The following TRNAU1AP variants were observed in gnomAD, a reference collection of about 807,000 sequenced individuals.
TRNAU1AP encodes the protein tRNA selenocysteine 1-associated protein 1.
Under a neutral mutation model 43.3 loss-of-function variants are expected in TRNAU1AP, and 33 were observed. That is an observed-to-expected ratio of 0.76 (90% CI 0.58 to 1.02). The LOEUF is 1.02. TRNAU1AP is among the 50% of genes least tolerant of loss of function. TRNAU1AP has a pLI of 0.00. For synonymous variants in TRNAU1AP, 143 were observed against 129.1 expected (o/e 1.11, Z -0.73); for missense variants, 290 against 362.7 (o/e 0.80, Z 1.63).
At chr1:28,566,779 G>A (rs963854922) in intron 5 of TRNAU1AP, among the ~76,000 whole-genome samples, 1 of 146,422 alleles carries the variant, frequency 6.8e-6, no homozygotes, top group African/African-American at 2.7e-5. Context: ...AAAAAAAAGA[G>A]AGAGAAAATG....
intron 5 of TRNAU1AP, 167 bp downstream of exon 5, chr1:28,565,001 A>G (rs1323276289): frequency 1.3e-6 from 1 of 758,638 alleles, no homozygotes; most frequent in Non-Finnish European, 2.2e-6. Flanking sequence ...GGAGAATGCC[A>G]GTATTGTAGA....
In TRNAU1AP at chr1:28,577,637, C is replaced by G. The variant is rs1665826448; in HGVS notation, c.*1C>G. The G allele has an allele frequency of 6.2e-7, 1 of 1,613,276 alleles. No homozygotes were observed. Among genetic ancestry groups the G allele is most frequent in the Admixed American group, 1.7e-5 (1 of 59,810 alleles). ...TTCAGAGATCCCTGCCATGATGTAG[C>G]CAGGCCAAAGGACAAGCCAGGTTGC... On this transcript the variant is annotated 3_prime_UTR_variant, in exon 9 of 9. Coordinates refer to ENST00000373830, the MANE Select transcript of TRNAU1AP (RefSeq NM_017846.5).
chr1:28,559,171 A>G (rs530474022), intron 2 of TRNAU1AP, among the ~76,000 whole-genome samples: 1 of 151,852 alleles, frequency 6.6e-6, no homozygotes, highest in Non-Finnish European at 1.5e-5. Context: ...TCCCGGGTTC[A>G]AGCAATTCTC....
chr1:28,573,586 A>G (rs1298223989), intron 8 of TRNAU1AP, among the ~76,000 whole-genome samples: 1 of 152,028 alleles, frequency 6.6e-6, no homozygotes, highest in African/African-American at 2.4e-5. Context: ...CAGCCTGGCC[A>G]ACATGGTGAA....
intron 8 of TRNAU1AP, among the ~76,000 whole-genome samples, chr1:28,574,428 G>A (rs1665729480): frequency 6.6e-6 from 1 of 151,898 alleles, no homozygotes; most frequent in Admixed American, 6.6e-5. Flanking sequence ...GAAGAAAAAG[G>A]AAAGAAAAAC....
intron 4 of TRNAU1AP, among the ~76,000 whole-genome samples, chr1:28,563,285 C>T (rs1370977084): frequency 6.6e-6 from 1 of 151,908 alleles, no homozygotes; most frequent in East Asian, 1.9e-4. Context: ...TGCGGTGGCT[C>T]ACGCCTGTAA....
At position 28,578,355 on chromosome 1, in the gene TRNAU1AP, G is replaced by C. The variant is rs1665859280; in HGVS notation, c.*719G>C. On this transcript the variant is annotated 3_prime_UTR_variant, in exon 9 of 9. Coordinates refer to ENST00000373830, the MANE Select transcript of TRNAU1AP (RefSeq NM_017846.5). ...CTTCCGTGTTTCCCAAGTAAATGGG[G>C]AAACTGTCCAACCTTGTCATGTGTT... The C allele has an allele frequency of 5.6e-6, 1 of 177,374 alleles. No individual in the cohort carries two copies. 11.0% of individuals were successfully genotyped at this position (177,374 alleles called of 1,614,324 possible).
intron 4 of TRNAU1AP, among the ~76,000 whole-genome samples, chr1:28,564,044 C>T (rs1333593075): frequency 1.3e-5 from 2 of 152,052 alleles, no homozygotes; most frequent in African/African-American, 4.8e-5. Flanking sequence ...GCAGGTGGAT[C>T]ATTTGAGGTC....
At position 28,578,366 on chromosome 1, in the gene TRNAU1AP, A is replaced by T. The variant is rs1354069128; in HGVS notation, c.*730A>T. 5.4e-6 allele frequency: 1 copy of T among 185,788 alleles called. No individual in the cohort carries two copies. The highest frequency in any genetic ancestry group is 1.1e-5 in the Non-Finnish European group (1 of 88,536). The allele number at this position is 185,788 out of a possible 1,614,324, so 11.5% of individuals were successfully genotyped here. On this transcript the variant is annotated 3_prime_UTR_variant, in exon 9 of 9. Coordinates refer to ENST00000373830, the MANE Select transcript of TRNAU1AP (RefSeq NM_017846.5). Reference sequence around the variant, plus strand: ...CCCAAGTAAATGGGGAAACTGTCCAACCTTGTCATGTGTTGGGACTTACTG... The same window carrying T: ...CCCAAGTAAATGGGGAAACTGTCCATCCTTGTCATGTGTTGGGACTTACTG...
chr1:28,558,398 T>G (rs9426405), intron 2 of TRNAU1AP, among the ~76,000 whole-genome samples: 40,383 of 149,716 alleles, frequency 0.27, 5,636 homozygotes, highest in Middle Eastern at 0.37. Flanking sequence ...TATATTTTTT[T>G]TTTGTTTGTT....
chr1:28,566,759 CAAA>C (rs1204229638), intron 5 of TRNAU1AP, among the ~76,000 whole-genome samples: 11 of 72,340 alleles, frequency 1.5e-4, no homozygotes, highest in Admixed American at 3.1e-4. Context: ...AACTCCATCT[CAAA>C]AAAAAAAAAA....
chr1:28,554,217 A>C (rs1371520207), intron 2 of TRNAU1AP, among the ~76,000 whole-genome samples: 5 of 146,608 alleles, frequency 3.4e-5, no homozygotes, highest in African/African-American at 1.1e-4. Context: ...AAAAAACAAA[A>C]AAACAAAAAA....
At chr1:28,556,338 C>T (rs1205664502) in intron 2 of TRNAU1AP, among the ~76,000 whole-genome samples, 1 of 151,598 alleles carries the variant, frequency 6.6e-6, no homozygotes, top group East Asian at 2.0e-4. Flanking sequence ...GTGAGACACA[C>T]CTGTAATTCC....
At position 28,577,400 on chromosome 1, in the gene TRNAU1AP, G is replaced by GGACCTT. The variant is rs1665815344; in HGVS notation, c.728-99_728-94dup. 29 of 1,349,080 alleles carry GGACCTT rather than the reference G, an allele frequency of 2.1e-5. 1 individual carries two copies. In the South Asian group the frequency reaches 3.9e-4, roughly 18 times the overall value. The allele number at this position is 1,349,080 out of a possible 1,614,324, so 83.6% of individuals were successfully genotyped here. ...TTCCTGAAAGAAACTGGCAGGATAG[G>GGACCTT]GACCTTACCATAGAACAGAGTTCTG... On this transcript the variant is annotated intron_variant, in intron 8 of 8. Transcript: ENST00000373830.
At chr1:28,562,795 A>G (rs1281972326) in intron 4 of TRNAU1AP, among the ~76,000 whole-genome samples, 2 of 151,382 alleles carry the variant, frequency 1.3e-5, no homozygotes, top group East Asian at 3.9e-4. Flanking sequence ...GTTAGCCAGG[A>G]TGGTCTCGAT....
rs56786179 is a variant in TRNAU1AP at position 28,578,383 on chromosome 1, G to GACTT, written c.*751_*754dup. The stretch of plus-strand genomic sequence containing the variant: ...ACTGTCCAACCTTGTCATGTGTTGG[G>GACTT]ACTTACTGCTTGAGGCAAAGCATTC... On this transcript the variant is annotated 3_prime_UTR_variant, in exon 9 of 9. Transcript: ENST00000373830. The GACTT allele has an allele frequency of 0.24, 47,068 of 198,092 alleles. 5,941 individuals are homozygous for GACTT. Among genetic ancestry groups the GACTT allele is most frequent in the Middle Eastern group, 0.32 (136 of 426 alleles). The allele number at this position is 198,092 out of a possible 1,614,324, so 12.3% of individuals were successfully genotyped here.
chr1:28,560,747 A>T lies in TRNAU1AP; in HGVS notation c.225+15A>T, dbSNP rs1325772751. The T allele has an allele frequency of 1.3e-6, 2 of 1,580,064 alleles. No homozygotes were observed. The highest frequency in any genetic ancestry group is 1.7e-6 in the Non-Finnish European group (2 of 1,149,908). On this transcript the variant is annotated intron_variant, in intron 3 of 8. Coordinates refer to ENST00000373830, the MANE Select transcript of TRNAU1AP (RefSeq NM_017846.5). ...GAGCCACACCTGTAAGGACATTTAG[A>T]TAATGATGATGTTGCCATTATTATT...
At chr1:28,566,598 A>G (rs1006381388) in intron 5 of TRNAU1AP, among the ~76,000 whole-genome samples, 2 of 151,796 alleles carry the variant, frequency 1.3e-5, no homozygotes, top group Non-Finnish European at 2.9e-5. Context: ...TAAAAAAATA[A>G]AATACAAAAA....
chr1:28,567,997 C>T (rs1278027992), intron 6 of TRNAU1AP, among the ~76,000 whole-genome samples: 1 of 152,054 alleles, frequency 6.6e-6, no homozygotes, highest in African/African-American at 2.4e-5. Context: ...AACCTCATCT[C>T]TACTAAAAAT....
Sources: gnomAD v4.1 joint callset for allele counts (sites outside exome capture counted in the v4.1 genomes callset) on GRCh38, gnomAD v4.1.1 for gene constraint, MANE v1.5 for transcripts, NCBI Gene and HGNC (gene_info 2026-07-23, HGNC 2026-07-21) for gene names.